The following NOS1AP variants were observed in gnomAD, a reference collection of about 807,000 sequenced individuals.
The protein encoded by NOS1AP is nitric oxide synthase 1 adaptor protein, also known as carboxyl-terminal PDZ ligand of neuronal nitric oxide synthase protein.
NOS1AP carries 21 observed loss-of-function variants against 56.2 expected under a neutral mutation model. The ratio of observed to expected loss-of-function variants is 0.37; its 90% CI spans 0.26 to 0.54. NOS1AP has a LOEUF of 0.54. Ranked by LOEUF, NOS1AP falls within the 20% of genes least tolerant of loss-of-function variation. The pLI is 0.84. For missense variants in NOS1AP, 522 were observed against 657.8 expected, an observed-to-expected ratio of 0.79 and a Z score of 2.26; for synonymous variants, 270 against 274.6, an observed-to-expected ratio of 0.98 and a Z score of 0.17.
At chr1:162,338,310 A>G (rs1657003897) in intron 5 of NOS1AP, among the ~76,000 whole-genome samples, 1 of 151,932 alleles carries the variant, frequency 6.6e-6, no homozygotes, top group Non-Finnish European at 1.5e-5. Context: ...CCATTAAAGA[A>G]CCTTACTTGA....
At chr1:162,365,675 C>T (rs759425111) in intron 9 of NOS1AP, 106 bp downstream of exon 9, 3 of 1,377,358 alleles carry the variant, frequency 2.2e-6, no homozygotes, top group Non-Finnish European at 3.0e-6. Flanking sequence ...TGACCTACCC[C>T]TATATTCCAG....
chr1:162,162,894 C>T (rs1054196988), intron 2 of NOS1AP, among the ~76,000 whole-genome samples: 3 of 152,004 alleles, frequency 2.0e-5, no homozygotes, highest in African/African-American at 7.3e-5. Flanking sequence ...TCACCACAAT[C>T]AATTTTCAAA....
chr1:162,071,000 C>G (rs1000405611), intron 1 of NOS1AP, among the ~76,000 whole-genome samples: 2 of 152,148 alleles, frequency 1.3e-5, no homozygotes, highest in Non-Finnish European at 2.9e-5. Context: ...AGGGGTGGAG[C>G]AGAAGCCTCG....
chr1:162,241,672 G>A (rs756297151), intron 2 of NOS1AP, among the ~76,000 whole-genome samples: 46 of 152,122 alleles, frequency 3.0e-4, no homozygotes, highest in Non-Finnish European at 6.5e-4. Flanking sequence ...CCCCCTGACT[G>A]CAGAGTCCAG....
chr1:162,105,991 A>T (rs1420967222), intron 1 of NOS1AP, among the ~76,000 whole-genome samples: 1 of 152,156 alleles, frequency 6.6e-6, no homozygotes, highest in Non-Finnish European at 1.5e-5. Flanking sequence ...CCACCTTGCC[A>T]TGGATGCCGG....
intron 4 of NOS1AP, among the ~76,000 whole-genome samples, chr1:162,303,177 G>A (rs557986286): frequency 1.1e-4 from 16 of 152,254 alleles, no homozygotes; most frequent in East Asian, 1.9e-4. Context: ...AAGTCTTTGC[G>A]TGGACATATG....
At chr1:162,103,813 CT>C (rs1197339935) in intron 1 of NOS1AP, among the ~76,000 whole-genome samples, 1 of 151,886 alleles carries the variant, frequency 6.6e-6, no homozygotes. Context: ...TATTTTGAGC[CT>C]GTTTATGTCT....
At position 162,176,175 on chromosome 1, in the gene NOS1AP, T is replaced by A. The variant is rs564918185; in HGVS notation, c.177+21699T>A. ...TTGGCCTCCCACTCAATGATTTTTT[T>A]TAAAAAATTTGCATGCATTTAGGTT... On this transcript the variant is annotated intron_variant, in intron 2 of 9. Transcript: ENST00000361897. Among the ~76,000 whole-genome samples, 140 of 152,334 alleles carry A rather than the reference T, an allele frequency of 9.2e-4. 1 individual carries two copies. Among genetic ancestry groups the A allele is most frequent in the African/African-American group, 3.3e-3 (136 of 41,578 alleles).
chr1:162,146,315 T>A (rs1005334569), intron 1 of NOS1AP, among the ~76,000 whole-genome samples: 1 of 152,134 alleles, frequency 6.6e-6, no homozygotes, highest in African/African-American at 2.4e-5. Flanking sequence ...GCAGTTAAAA[T>A]CTCCACTTGA....
intron 2 of NOS1AP, among the ~76,000 whole-genome samples, chr1:162,200,148 TGTG>T (rs1286029359): frequency 6.6e-6 from 1 of 152,218 alleles, no homozygotes; most frequent in Non-Finnish European, 1.5e-5. Context: ...ATCTAGAAGT[TGTG>T]GTGTTTCTGG....
chr1:162,176,531 A>G (rs747368137), intron 2 of NOS1AP, among the ~76,000 whole-genome samples: 35 of 85,680 alleles, frequency 4.1e-4, no homozygotes, highest in Non-Finnish European at 6.2e-4. Flanking sequence ...TTTTTTTGAG[A>G]TGGAGTGTTG....
At chr1:162,145,267 G>A (rs1649413637) in intron 1 of NOS1AP, among the ~76,000 whole-genome samples, 1 of 139,334 alleles carries the variant, frequency 7.2e-6, no homozygotes, top group South Asian at 2.7e-4. Context: ...GGTGGGTGGG[G>A]GGGTTGGCAC....
At chr1:162,137,629 A>G (rs1649059990) in intron 1 of NOS1AP, among the ~76,000 whole-genome samples, 2 of 151,874 alleles carry the variant, frequency 1.3e-5, no homozygotes, top group South Asian at 2.1e-4. Flanking sequence ...TGATTTCAAA[A>G]TCCATCTTCT....
At chr1:162,209,591 C>T (rs544594875) in intron 2 of NOS1AP, among the ~76,000 whole-genome samples, 2 of 152,106 alleles carry the variant, frequency 1.3e-5, no homozygotes, top group Non-Finnish European at 2.9e-5. Flanking sequence ...CTTTATGATA[C>T]CTTCTACCAC....
intron 2 of NOS1AP, among the ~76,000 whole-genome samples, chr1:162,191,228 A>C (rs1651630795): frequency 6.6e-6 from 1 of 152,176 alleles, no homozygotes. Context: ...TCCACACAGG[A>C]ACATCAGATT....
chr1:162,186,876 T>C (rs1651452241), intron 2 of NOS1AP, among the ~76,000 whole-genome samples: 1 of 152,262 alleles, frequency 6.6e-6, no homozygotes, highest in Non-Finnish European at 1.5e-5. Flanking sequence ...TTTCAGATTG[T>C]AATTGTTGCA....
intron 2 of NOS1AP, among the ~76,000 whole-genome samples, chr1:162,231,056 G>A (rs1399637200): frequency 6.6e-6 from 1 of 151,750 alleles, no homozygotes; most frequent in Non-Finnish European, 1.5e-5. Context: ...AATTTTTTGA[G>A]AAACCACTAT....
intron 2 of NOS1AP, among the ~76,000 whole-genome samples, chr1:162,257,692 C>T (rs987092307): frequency 3.3e-5 from 5 of 151,212 alleles, no homozygotes; most frequent in African/African-American, 1.2e-4. Flanking sequence ...AAATCTGGTA[C>T]ACATGTAAAC....
chr1:162,288,037 G>A (rs1655148520), intron 3 of NOS1AP, among the ~76,000 whole-genome samples: 2 of 152,196 alleles, frequency 1.3e-5, no homozygotes, highest in Admixed American at 1.3e-4. Context: ...GTTGGGGAGA[G>A]ACAAGCAAGT....
Sources: gnomAD v4.1 joint callset for allele counts (sites outside exome capture counted in the v4.1 genomes callset) on GRCh38, gnomAD v4.1.1 for gene constraint, MANE v1.5 for transcripts, NCBI Gene and HGNC (gene_info 2026-07-23, HGNC 2026-07-21) for gene names.